PARP4: variants seen among roughly 807,000 people sequenced by gnomAD.
The protein encoded by PARP4 is poly(ADP-ribose) polymerase family member 4, also known as protein mono-ADP-ribosyltransferase PARP4.
Under a neutral mutation model 187.7 loss-of-function variants are expected in PARP4, and 120 were observed. The observed-to-expected ratio is 0.64, with a 90% CI of 0.55 to 0.74. PARP4 has a LOEUF of 0.74. PARP4 is among the 30% of genes least tolerant of loss of function. The pLI, the probability that PARP4 is intolerant of heterozygous loss-of-function variation, is 0.00. For missense variants in PARP4, 1,836 were observed against 2,070.5 expected, an observed-to-expected ratio of 0.89 and a Z score of 2.20; for synonymous variants, 654 against 740.9, an observed-to-expected ratio of 0.88 and a Z score of 1.90.
In PARP4 at chr13:24,446,725, G is replaced by A. The variant is rs9318554; in HGVS notation, c.3322C>T (p.Arg1108Cys). The A allele has an allele frequency of 0.94, 1,498,179 of 1,601,576 alleles. 703,470 individuals carry two copies. Among genetic ancestry groups the A allele is most frequent in the East Asian group, 0.98 (43,731 of 44,822 alleles). ...LCALIQEKEF[R>C]TMVSTTELQK... ...AGCTCAGTAGTCGACACCATTGTAC[G>A]AAATTCTTTCTCTTGAATTAGTGCA... Residue 1108 changes from arginine (R) to cysteine (C), a missense_variant, in exon 27 of 34, where the codon CGT becomes TGT. Transcript: ENST00000381989.
chr13:24,464,112 G>T (rs143941485), intron 17 of PARP4, among the ~76,000 whole-genome samples: 9 of 152,200 alleles, frequency 5.9e-5, no homozygotes, highest in African/African-American at 1.9e-4. Flanking sequence ...ACCTCTTCAA[G>T]GAGAACTATA....
Position 24,500,317 on chromosome 13 carries a change from C to T in PARP4, c.400G>A (p.Glu134Lys), listed in dbSNP as rs1384110958. The change falls in exon 4 of 34, where the codon GAG becomes AAG. Residue 134 changes from glutamate (E) to lysine (K), a missense_variant and splice_region_variant. This residue lies in a region of PARP4 where 1,147 missense variants were observed against 1,214.2 expected (regional missense o/e 0.94). Transcript: ENST00000381989. ...AGGAATCAGAAAGAAGTAAATTACT[C>T]AGTGAGTTCCACAGTGTCTTCCTCC... is the stretch of plus-strand genomic sequence containing the variant. ...TEEEDTVELT[E>K]FGMQNVEIPH... 21 of 1,571,414 alleles carry T rather than the reference C, an allele frequency of 1.3e-5. No individual in the cohort carries two copies. The highest frequency in any genetic ancestry group is 1.7e-5 in the Non-Finnish European group (19 of 1,151,198).
intron 27 of PARP4, 48 bp from the exon 28 acceptor site, chr13:24,443,778 A>AT: frequency 7.9e-7 from 1 of 1,267,258 alleles, no homozygotes; most frequent in Non-Finnish European, 1.2e-6. Flanking sequence ...GGCTTCTAAT[A>AT]TAAGACTTGC....
intron 32 of PARP4, among the ~76,000 whole-genome samples, chr13:24,427,320 A>C (rs1175271752): frequency 6.6e-6 from 1 of 151,786 alleles, no homozygotes; most frequent in Non-Finnish European, 1.5e-5. Flanking sequence ...GAATGTTTAC[A>C]TGTGTTGAAC....
At chr13:24,453,699 T>C (rs1225647866) in intron 22 of PARP4, 45 bp from the exon 23 acceptor site, 3 of 1,043,722 alleles carry the variant, frequency 2.9e-6, no homozygotes, top group African/African-American at 1.6e-5. Context: ...ACACGTTCAC[T>C]TGCTTGAGCA....
chr13:24,496,606 C>T (rs9581078), intron 6 of PARP4, among the ~76,000 whole-genome samples: 16,668 of 152,050 alleles, frequency 0.11, 984 homozygotes, highest in African/African-American at 0.12. Context: ...ATCCACCTGA[C>T]GTGAGTCTCT....
At chr13:24,457,012 G>A (rs568232730) in intron 20 of PARP4, among the ~76,000 whole-genome samples, 62 of 152,084 alleles carry the variant, frequency 4.1e-4, no homozygotes, top group Non-Finnish European at 4.9e-4. Context: ...TGATTCACAC[G>A]GTCAAATAAG....
intron 1 of PARP4, among the ~76,000 whole-genome samples, chr13:24,504,994 A>G (rs1869533255): frequency 7.2e-6 from 1 of 139,472 alleles, no homozygotes; most frequent in African/African-American, 2.7e-5. Context: ...CGCACCTGGC[A>G]CACCCCCGCT....
In PARP4 at chr13:24,498,100, A is replaced by G. The variant is rs1869053967; in HGVS notation, c.591+16T>C. The G allele has an allele frequency of 1.9e-6, 3 of 1,545,176 alleles. No homozygotes were observed. The highest frequency in any genetic ancestry group is 2.7e-6 in the Non-Finnish European group (3 of 1,117,324). Reference sequence around the variant, plus strand: ...GAGGTCAGTAAACACATAGGAATCAATATAAACAGCATTACCTCCATGCCA... The same window carrying G: ...GAGGTCAGTAAACACATAGGAATCAGTATAAACAGCATTACCTCCATGCCA... On this transcript the variant is annotated intron_variant, in intron 6 of 33. Coordinates refer to ENST00000381989, the MANE Select transcript of PARP4 (RefSeq NM_006437.4).
intron 12 of PARP4, among the ~76,000 whole-genome samples, chr13:24,478,635 T>C (rs1413594521): frequency 1.3e-5 from 2 of 152,058 alleles, no homozygotes; most frequent in East Asian, 3.9e-4. Context: ...GGTCTCACTA[T>C]GTTTCCCAGG....
intron 27 of PARP4, among the ~76,000 whole-genome samples, chr13:24,445,958 T>C (rs1871187365): frequency 6.6e-6 from 1 of 152,160 alleles, no homozygotes; most frequent in Non-Finnish European, 1.5e-5. Flanking sequence ...TGTCAGAGAA[T>C]TGGTTGGGAA....
At chr13:24,466,796 C>CAAAAAAAAAAAAAAAA (rs34197201) in intron 17 of PARP4, among the ~76,000 whole-genome samples, 2 of 90,854 alleles carry the variant, frequency 2.2e-5, no homozygotes, top group African/African-American at 4.7e-5. Context: ...GACTCTGTCT[C>CAAAAAAAAAAAAAAAA]AAAAAAAAAA....
chr13:24,484,301 G>C (rs1055055561), intron 12 of PARP4, among the ~76,000 whole-genome samples: 1 of 152,132 alleles, frequency 6.6e-6, no homozygotes, highest in East Asian at 1.9e-4. Flanking sequence ...CCAGTAGCTA[G>C]AACTATAGGT....
chr13:24,426,707 A>C, intron 32 of PARP4, 109 bp from the exon 33 acceptor site: 1 of 949,116 alleles, frequency 1.1e-6, no homozygotes, highest in Non-Finnish European at 1.6e-6. Flanking sequence ...GGCTAACACA[A>C]TGAAACTCCA....
chr13:24,424,085 A>C (rs966569840), intron 33 of PARP4, among the ~76,000 whole-genome samples: 5 of 152,104 alleles, frequency 3.3e-5, no homozygotes, highest in African/African-American at 4.8e-5. Context: ...TCAGCCTCCT[A>C]AAGTGCTTGG....
At chr13:24,506,326 G>T (rs1008072247) in intron 1 of PARP4, among the ~76,000 whole-genome samples, 1 of 152,122 alleles carries the variant, frequency 6.6e-6, no homozygotes, top group African/African-American at 2.4e-5. Flanking sequence ...AAGGCAGTGC[G>T]GACCCAAACA....
intron 15 of PARP4, 37 bp from the exon 16 acceptor site, chr13:24,470,062 C>T (rs373401944): frequency 4.5e-6 from 7 of 1,568,444 alleles, no homozygotes; most frequent in Non-Finnish European, 2.6e-6. Context: ...TTGATGAGAC[C>T]ACATGGACTA....
At chr13:24,511,083 C>T (rs994075026) in intron 1 of PARP4, among the ~76,000 whole-genome samples, 1 of 152,146 alleles carries the variant, frequency 6.6e-6, no homozygotes, top group African/African-American at 2.4e-5. Flanking sequence ...CTGCCACGCC[C>T]GGCCCAGAGT....
At chr13:24,481,458 C>T (rs1348589571) in intron 12 of PARP4, among the ~76,000 whole-genome samples, 1 of 152,112 alleles carries the variant, frequency 6.6e-6, no homozygotes, top group Non-Finnish European at 1.5e-5. Flanking sequence ...TTTGGGAGGC[C>T]AAGGCAGGCA....
Sources: gnomAD v4.1 joint callset for allele counts (sites outside exome capture counted in the v4.1 genomes callset) on GRCh38, gnomAD v4.1.1 for gene constraint, gnomAD v4.1.1 regional missense constraint, MANE v1.5 for transcripts, NCBI Gene and HGNC (gene_info 2026-07-23, HGNC 2026-07-21) for gene names.